The following ULK1 variants were observed in gnomAD, a reference collection of about 807,000 sequenced individuals.
The protein encoded by ULK1 is serine/threonine-protein kinase ULK1.
Under a neutral mutation model 117.5 loss-of-function variants are expected in ULK1, and 48 were observed. The ratio of observed to expected loss-of-function variants is 0.41; its 90% CI spans 0.32 to 0.52. The LOEUF (loss-of-function observed/expected upper bound fraction) is 0.52, where lower values mean the gene tolerates loss of function less well. Among genes scored for constraint, ULK1 ranks in the 20% least tolerant of loss-of-function variants. The probability of loss-of-function intolerance (pLI) is 0.29; values close to 1 mark genes in which losing one functional copy is unlikely to be tolerated. For synonymous variants in ULK1, 790 were observed against 637.8 expected (o/e 1.24, Z -3.60); for missense variants, 1,387 against 1,473.4 (o/e 0.94, Z 0.96).
intron 14 of ULK1, among the ~76,000 whole-genome samples, 155 bp downstream of exon 14, chr12:131,913,413 C>T (rs7956070): frequency 0.19 from 28,334 of 150,660 alleles, 5,416 homozygotes; most frequent in African/African-American, 0.49. Flanking sequence ...AAGTAAATGC[C>T]GTTGGCCCGT....
chr12:131,918,290 G>A, intron 22 of ULK1: 1 of 635,240 alleles, frequency 1.6e-6, no homozygotes, highest in Non-Finnish European at 2.7e-6. Context: ...GGGGAGCTGG[G>A]GACTTGGGGG....
intron 3 of ULK1, chr12:131,897,151 C>T (rs4964882): frequency 0.11 from 16,436 of 152,326 alleles, 1,562 homozygotes; most frequent in East Asian, 0.56. Context: ...CAGCTGCAGG[C>T]GCTCCTGTCT....
intron 4 of ULK1, among the ~76,000 whole-genome samples, chr12:131,907,137 T>A (rs567742335): frequency 1.3e-5 from 2 of 152,248 alleles, no homozygotes; most frequent in South Asian, 2.1e-4. Flanking sequence ...TGCCTCAGCC[T>A]CCCGAGTAGC....
chr12:131,919,189 G>A (rs375207880), intron 23 of ULK1, 23 bp from the exon 24 acceptor site: 50 of 1,579,486 alleles, frequency 3.2e-5, no homozygotes, highest in Non-Finnish European at 3.8e-5. Flanking sequence ...AGCACTTGCC[G>A]CCCTGACGGC....
At chr12:131,897,567 G>C (rs989281409) in intron 3 of ULK1, 4 of 152,104 alleles carry the variant, frequency 2.6e-5, no homozygotes, top group African/African-American at 7.2e-5. Flanking sequence ...GCGACTGAGC[G>C]AGGCCCTGTC....
At position 131,906,925 on chromosome 12, in the gene ULK1, G is replaced by A; in HGVS notation, c.279+1G>A. 6.2e-7 allele frequency: 1 copy of A among 1,614,116 alleles called. No homozygotes were observed. On this transcript the variant is annotated splice_donor_variant, in intron 4 of 27. Coordinates refer to ENST00000321867, the MANE Select transcript of ULK1 (RefSeq NM_003565.4). LOFTEE classifies it high-confidence loss of function. ...TAATTCTGTCTACCTGGTTATGGAG[G>A]TGAGTGCCTTGTGGTGCCAGGACAA...
intron 5 of ULK1, 53 bp from the exon 6 acceptor site, chr12:131,908,591 A>G (rs1402788298): frequency 7.0e-7 from 1 of 1,423,228 alleles, no homozygotes; most frequent in Non-Finnish European, 9.1e-7. Flanking sequence ...CGCGGGACTC[A>G]CCCCTGGGGG....
intron 15 of ULK1, among the ~76,000 whole-genome samples, chr12:131,914,075 TCGAG>T (rs5801964): frequency 0.87 from 131,585 of 151,942 alleles, 57,698 homozygotes; most frequent in Middle Eastern, 0.94. Context: ...GCCAGCACAG[TCGAG>T]CCTGTAGGGC....
intron 3 of ULK1, chr12:131,897,264 C>T (rs1888910929): frequency 6.6e-6 from 1 of 152,212 alleles, no homozygotes; most frequent in Non-Finnish European, 1.5e-5. Flanking sequence ...GAGGCAGGCA[C>T]CCAAACCCAG....
At chr12:131,914,548 C>T in intron 16 of ULK1, 71 bp downstream of exon 16, 1 of 1,543,546 alleles carries the variant, frequency 6.5e-7, no homozygotes, top group Non-Finnish European at 8.8e-7. Context: ...CCACGGCTCC[C>T]ATAGAGGGAC....
Position 131,909,116 on chromosome 12 carries a change from C to G in ULK1, c.565-20C>G, listed in dbSNP as rs1483240242. On this transcript the variant is annotated intron_variant, in intron 7 of 27. Transcript: ENST00000321867. ...TTGGCGTGCGGGGGCCTCACACTGA[C>G]CCGACTTCTGGTCCCGCAGGCCCCC... 2.5e-6 allele frequency: 4 copies of G among 1,601,432 alleles called. No homozygotes were observed. The highest frequency in any genetic ancestry group is 3.4e-6 in the Non-Finnish European group (4 of 1,174,908).
chr12:131,918,881 T>TGTGTGGGGTGTGGGGTGTAGG (rs1392794952), intron 23 of ULK1, among the ~76,000 whole-genome samples, 200 bp downstream of exon 23: 1 of 10,328 alleles, frequency 9.7e-5, no homozygotes. Flanking sequence ...GGGTGTCGGG[T>TGTGTGGGGTGTGGGGTGTAGG]GTGTGGGGTG....
chr12:131,920,783 C>G, intron 26 of ULK1: 1 of 368,718 alleles, frequency 2.7e-6, no homozygotes, highest in South Asian at 7.2e-5. Context: ...TGGGAAAAGT[C>G]AGCCTCCCTC....
In ULK1 at chr12:131,919,663, G is replaced by A. The variant is rs1218541915; in HGVS notation, c.2803+73G>A. 10 of 1,530,726 alleles carry A rather than the reference G, an allele frequency of 6.5e-6. No homozygotes were observed. The East Asian group carries it at 1.8e-4, about 28-fold the overall frequency. The allele number at this position is 1,530,726 out of a possible 1,614,324, so 94.8% of individuals were successfully genotyped here. On this transcript the variant is annotated intron_variant, in intron 25 of 27. Transcript: ENST00000321867. The stretch of plus-strand genomic sequence containing the variant: ...CCACCTTGCAACTGCCTGGGTGACA[G>A]GGTAACAGGGAGGCTGCTTGAGTAG...
chr12:131,910,717 C>T lies in ULK1; in HGVS notation c.865C>T (p.Pro289Ser), dbSNP rs200532196. 201 of 1,613,104 alleles carry T rather than the reference C, an allele frequency of 1.2e-4. 1 individual carries two copies. In the East Asian group the frequency reaches 2.7e-3, roughly 22 times the overall value. The stretch of plus-strand genomic sequence containing the variant: ...CCTATGCATGTTTATCTCAGCCCCA[C>T]CCGTGCCTGTGCCCTCGTACCCAAG... ...DASPSVRKSP[P>S]VPVPSYPSSG... Residue 289 changes from proline to serine, a missense_variant, in exon 12 of 28, where the codon CCC (proline) becomes TCC (serine). This residue lies in a region of ULK1 where 260 missense variants were observed against 271.6 expected (regional missense o/e 0.96). Coordinates refer to ENST00000321867, the MANE Select transcript of ULK1 (RefSeq NM_003565.4).
chr12:131,918,235 A>G (rs1889949199), intron 22 of ULK1: 2 of 546,014 alleles, frequency 3.7e-6, no homozygotes, highest in African/African-American at 1.9e-5. Context: ...GGGTCGGGAT[A>G]CCCAGAGGGT....
rs780944904 is a variant in ULK1 at position 131,903,008 on chromosome 12, C to T, written c.247-3884C>T. ...GGTTCTGCAAGGCAGAGCTGGAGCC[C>T]GATGCCCTGTGTGGGTTCTGGGTGG... On this transcript the variant is annotated intron_variant, in intron 3 of 27. Transcript: ENST00000321867. This position sits in a 1 kb window ranked among gnomAD's most constrained non-coding sequence, Gnocchi z 6.0. Among the ~76,000 whole-genome samples the T allele has an allele frequency of 5.3e-5, 8 of 152,102 alleles. No individual in the cohort carries two copies. The highest frequency in any genetic ancestry group is 7.4e-5 in the Non-Finnish European group (5 of 68,006).
chr12:131,917,683 G>A, intron 22 of ULK1, 129 bp downstream of exon 22: 1 of 971,840 alleles, frequency 1.0e-6, no homozygotes. Flanking sequence ...TGAGGAAGCA[G>A]CTCAGGCCCC....
At chr12:131,909,625 C>A in intron 8 of ULK1, 150 bp from the exon 9 acceptor site, 1 of 811,348 alleles carries the variant, frequency 1.2e-6, no homozygotes, top group Non-Finnish European at 1.9e-6. Context: ...GCTCATACCT[C>A]CAGCAGCAAA....
Sources: gnomAD v4.1 joint callset for allele counts (sites outside exome capture counted in the v4.1 genomes callset) on GRCh38, gnomAD v4.1.1 for gene constraint, gnomAD v4.1.1 regional missense constraint, Gnocchi (gnomAD v3.1) non-coding constraint, MANE v1.5 for transcripts, NCBI Gene and HGNC (gene_info 2026-07-23, HGNC 2026-07-21) for gene names.